Variants in BRINP3 observed in about 807,000 individuals in gnomAD.
BRINP3 encodes the protein BMP/retinoic acid inducible neural specific 3, also known as BMP/retinoic acid-inducible neural-specific protein 3.
A neutral mutation model predicts 71.0 loss-of-function variants in BRINP3; 19 were observed. That is an observed-to-expected ratio of 0.27 (90% CI 0.19 to 0.39). The LOEUF is 0.39. Among genes scored for constraint, BRINP3 ranks in the 10% least tolerant of loss-of-function variants. The probability of loss-of-function intolerance (pLI) is 1.00; values close to 1 mark genes in which losing one functional copy is unlikely to be tolerated. For synonymous variants in BRINP3, 380 were observed against 337.7 expected, an observed-to-expected ratio of 1.13 and a Z score of -1.37; for missense variants, 959 against 940.8, an observed-to-expected ratio of 1.02 and a Z score of -0.25.
chr1:190,142,016 T>C (rs190442999), intron 7 of BRINP3, among the ~76,000 whole-genome samples: 1 of 151,932 alleles, frequency 6.6e-6, no homozygotes, highest in Non-Finnish European at 1.5e-5. Flanking sequence ...AAAACATATA[T>C]AAAATAAAAA....
intron 6 of BRINP3, among the ~76,000 whole-genome samples, chr1:190,177,454 A>T (rs1194031690): frequency 6.6e-6 from 1 of 151,140 alleles, no homozygotes; most frequent in Non-Finnish European, 1.5e-5. Flanking sequence ...CTAGGATTAC[A>T]GGCGTGAGGC....
At chr1:190,437,132 A>C (rs1558285751) in intron 2 of BRINP3, among the ~76,000 whole-genome samples, 2 of 151,652 alleles carry the variant, frequency 1.3e-5, no homozygotes, top group African/African-American at 4.8e-5. Context: ...AAAGTAAATG[A>C]CTTCAATGGA....
At chr1:190,236,785 A>T (rs115385993) in intron 4 of BRINP3, among the ~76,000 whole-genome samples, 1 of 151,996 alleles carries the variant, frequency 6.6e-6, no homozygotes, top group African/African-American at 2.4e-5. Flanking sequence ...TAATAAAAGC[A>T]TCAAAGAGAA....
chr1:190,372,088 G>C (rs1478495940), intron 2 of BRINP3, among the ~76,000 whole-genome samples: 1 of 152,188 alleles, frequency 6.6e-6, no homozygotes, highest in Non-Finnish European at 1.5e-5. Context: ...CCAGGGCACA[G>C]TGGGAAGAGG....
At chr1:190,294,910 G>A (rs1251610010) in intron 2 of BRINP3, among the ~76,000 whole-genome samples, 1 of 151,822 alleles carries the variant, frequency 6.6e-6, no homozygotes, top group Non-Finnish European at 1.5e-5. Flanking sequence ...ACATGGAAAA[G>A]ACATGGGACA....
chr1:190,381,993 G>A (rs1290712459), intron 2 of BRINP3, among the ~76,000 whole-genome samples: 1 of 152,126 alleles, frequency 6.6e-6, no homozygotes, highest in Non-Finnish European at 1.5e-5. Flanking sequence ...AAAACAATAT[G>A]TGCATGTACG....
chr1:190,318,446 C>T (rs890052070), intron 2 of BRINP3, among the ~76,000 whole-genome samples: 1 of 151,932 alleles, frequency 6.6e-6, no homozygotes, highest in Non-Finnish European at 1.5e-5. Context: ...ATTCTTTATC[C>T]CATCTAGTTC....
intron 4 of BRINP3, among the ~76,000 whole-genome samples, chr1:190,254,129 T>C (rs918109564): frequency 7.2e-5 from 11 of 152,134 alleles, no homozygotes; most frequent in African/African-American, 2.4e-4. Context: ...GGTATATATA[T>C]CTAATTTAGT....
At chr1:190,392,240 AACTGG>A (rs1671297996) in intron 2 of BRINP3, among the ~76,000 whole-genome samples, 1 of 151,676 alleles carries the variant, frequency 6.6e-6, no homozygotes, top group Non-Finnish European at 1.5e-5. Context: ...AATAATGTCA[AACTGG>A]ACGGTTGTTG....
intron 2 of BRINP3, among the ~76,000 whole-genome samples, chr1:190,327,863 G>A (rs1666716659): frequency 6.6e-6 from 1 of 152,054 alleles, no homozygotes; most frequent in Admixed American, 6.6e-5. Context: ...CTTCTTAGCT[G>A]CACATTTAGC....
At chr1:190,218,860 T>A (rs1035896340) in intron 6 of BRINP3, among the ~76,000 whole-genome samples, 1 of 152,114 alleles carries the variant, frequency 6.6e-6, no homozygotes, top group Non-Finnish European at 1.5e-5. Flanking sequence ...TAAATCTATT[T>A]ACCCTTTCAT....
intron 4 of BRINP3, among the ~76,000 whole-genome samples, chr1:190,241,612 G>A (rs749082380): frequency 6.6e-6 from 1 of 151,980 alleles, no homozygotes; most frequent in South Asian, 2.1e-4. Context: ...TGGTTAATAT[G>A]ACTTTGATTG....
chr1:190,173,081 T>C (rs1652168547), intron 6 of BRINP3, among the ~76,000 whole-genome samples: 1 of 152,180 alleles, frequency 6.6e-6, no homozygotes, highest in African/African-American at 2.4e-5. Context: ...TAAAATCCCT[T>C]GTTTCTATCA....
At chr1:190,446,685 CA>C (rs1422981743) in intron 2 of BRINP3, among the ~76,000 whole-genome samples, 9 of 151,978 alleles carry the variant, frequency 5.9e-5, no homozygotes, top group Admixed American at 2.0e-4. Context: ...CTTTATAGCT[CA>C]AAGGATCTAC....
intron 3 of BRINP3, among the ~76,000 whole-genome samples, chr1:190,272,307 C>T (rs1228887458): frequency 6.6e-6 from 1 of 151,384 alleles, no homozygotes; most frequent in Non-Finnish European, 1.5e-5. Context: ...GGCAATATGA[C>T]ATAATGAAGG....
At chr1:190,314,219 C>G (rs1421677852) in intron 2 of BRINP3, among the ~76,000 whole-genome samples, 1 of 151,912 alleles carries the variant, frequency 6.6e-6, no homozygotes, top group Non-Finnish European at 1.5e-5. Flanking sequence ...AAAGTAGGAA[C>G]AGCTTTGGAA....
intron 2 of BRINP3, among the ~76,000 whole-genome samples, chr1:190,341,956 A>G (rs966209796): frequency 4.6e-5 from 7 of 151,714 alleles, no homozygotes. Context: ...CTACAATCAA[A>G]AAGTGTCAGC....
intron 1 of BRINP3, chr1:190,474,356 G>A (rs1251097635): frequency 6.6e-6 from 1 of 152,558 alleles, no homozygotes; most frequent in Admixed American, 6.6e-5. Flanking sequence ...AAAACATCAC[G>A]ATAGTAAAAC....
At chr1:190,245,393 A>G (rs1345560124) in intron 4 of BRINP3, among the ~76,000 whole-genome samples, 2 of 151,970 alleles carry the variant, frequency 1.3e-5, no homozygotes, top group Non-Finnish European at 2.9e-5. Flanking sequence ...GAAGAAACAT[A>G]TAGTGTGCAT....
Sources: allele counts gnomAD v4.1 joint callset (sites outside exome capture counted in the v4.1 genomes callset), GRCh38; gene constraint gnomAD v4.1.1; transcripts MANE v1.5; gene names NCBI Gene and HGNC (gene_info 2026-07-23, HGNC 2026-07-21).